The following LMNTD1 variants were observed in gnomAD, a reference collection of about 807,000 sequenced individuals.
The protein encoded by LMNTD1 is lamin tail domain-containing protein 1.
LMNTD1 carries 35 observed loss-of-function variants against 50.9 expected under a neutral mutation model. The ratio of observed to expected loss-of-function variants is 0.69; its 90% confidence interval spans 0.53 to 0.91. LMNTD1 has a LOEUF of 0.91. LMNTD1 is among the 40% of genes least tolerant of loss of function. LMNTD1 has a pLI of 0.00. For missense variants in LMNTD1, 470 were observed against 475.5 expected (o/e 0.99, Z 0.11); for synonymous variants, 153 against 161.9 (o/e 0.94, Z 0.42).
chr12:25,478,127 T>A (rs1242283115), intron 9 of LMNTD1, among the ~76,000 whole-genome samples: 1 of 152,104 alleles, frequency 6.6e-6, no homozygotes, highest in African/African-American at 2.4e-5. Context: ...GACTCAAATG[T>A]TAATCTCCTT....
intron 1 of LMNTD1, among the ~76,000 whole-genome samples, chr12:25,629,250 G>A (rs964819200): frequency 2.6e-5 from 4 of 152,072 alleles, no homozygotes; most frequent in South Asian, 2.1e-4. Flanking sequence ...GTAGAGTTAC[G>A]GTTTCTCACA....
chr12:25,647,143 A>G (rs1378001805), intron 1 of LMNTD1, among the ~76,000 whole-genome samples: 1 of 152,250 alleles, frequency 6.6e-6, no homozygotes, highest in Non-Finnish European at 1.5e-5. Flanking sequence ...TCATTTGACT[A>G]TTTAATAATG....
intron 9 of LMNTD1, among the ~76,000 whole-genome samples, chr12:25,501,453 G>A (rs1460013759): frequency 6.6e-6 from 1 of 152,188 alleles, no homozygotes; most frequent in African/African-American, 2.4e-5. Context: ...TTCTAAATGT[G>A]TGGTGTTTCT....
intron 1 of LMNTD1, among the ~76,000 whole-genome samples, chr12:25,573,105 A>T (rs1054993072): frequency 6.6e-6 from 1 of 151,208 alleles, no homozygotes; most frequent in Non-Finnish European, 1.5e-5. Flanking sequence ...CAACTCCCCG[A>T]CCTCCTGTCT....
At chr12:25,538,272 C>G (rs1942765399) in intron 4 of LMNTD1, among the ~76,000 whole-genome samples, 1 of 137,236 alleles carries the variant, frequency 7.3e-6, no homozygotes, top group African/African-American at 2.7e-5. Context: ...ACATAATCGT[C>G]AGATTCACCA....
chr12:25,541,734 A>G (rs1294755190), intron 4 of LMNTD1, among the ~76,000 whole-genome samples: 1 of 137,736 alleles, frequency 7.3e-6, no homozygotes, highest in African/African-American at 2.7e-5. Flanking sequence ...ATCTAATTAA[A>G]CTAAAGAGCT....
At chr12:25,564,608 C>T (rs151042618) in intron 1 of LMNTD1, among the ~76,000 whole-genome samples, 25 of 152,212 alleles carry the variant, frequency 1.6e-4, no homozygotes, top group African/African-American at 5.3e-4. Flanking sequence ...GACATTATTT[C>T]AATTTTTTTA....
intron 4 of LMNTD1, among the ~76,000 whole-genome samples, chr12:25,530,590 C>A (rs984157234): frequency 1.3e-5 from 2 of 152,190 alleles, no homozygotes; most frequent in Non-Finnish European, 2.9e-5. Flanking sequence ...GGCTTCCTAG[C>A]TGTTCCGTTG....
intron 8 of LMNTD1, among the ~76,000 whole-genome samples, chr12:25,517,657 T>A (rs1286051257): frequency 7.1e-6 from 1 of 140,666 alleles, no homozygotes; most frequent in Non-Finnish European, 1.5e-5. Context: ...TGTATACATA[T>A]GTAACTAACC....
rs143233739 is a variant in LMNTD1 at position 25,619,217 on chromosome 12, A to ACTCTCTCTCT, written c.58+29267_58+29276dup. Among the ~76,000 whole-genome samples, 120 of 120,072 alleles carry ACTCTCTCTCT rather than the reference A, an allele frequency of 1.0e-3. 1 individual carries two copies. Among genetic ancestry groups the ACTCTCTCTCT allele is most frequent in the Admixed American group, 5.6e-3 (62 of 11,148 alleles). 78.8% of individuals were successfully genotyped at this position (120,072 alleles called of 152,430 possible). A position where few individuals can be genotyped will look rare whatever the true frequency, so the allele number is the denominator to read the frequency against. On this transcript the variant is annotated intron_variant, in intron 1 of 7. Coordinates refer to the LMNTD1 transcript ENST00000445693. ...CTGGGTAAGGGATACATGCTTTTCAACTCTCTCTCTCTCTCTCTCTCTCTC... is the reference window on the plus strand; with the variant it reads ...CTGGGTAAGGGATACATGCTTTTCAACTCTCTCTCTCTCTCTCTCTCTCTCTCTCTCTCTC...
At chr12:25,609,327 A>G (rs1946191396) in intron 1 of LMNTD1, among the ~76,000 whole-genome samples, 1 of 152,320 alleles carries the variant, frequency 6.6e-6, no homozygotes, top group South Asian at 2.1e-4. Flanking sequence ...ACTTCTGTCA[A>G]CTTGTCAAAG....
intron 1 of LMNTD1, among the ~76,000 whole-genome samples, chr12:25,611,964 T>C (rs1029885873): frequency 6.6e-6 from 1 of 152,210 alleles, no homozygotes; most frequent in Non-Finnish European, 1.5e-5. Context: ...AAGAGTAAAC[T>C]TCTATCCGTT....
chr12:25,493,402 A>C lies in LMNTD1; in HGVS notation c.*22+10336T>G, dbSNP rs1014292257. 3.9e-5 allele frequency among the ~76,000 whole-genome samples: 6 copies of C among 152,350 alleles called. No individual in the cohort carries two copies. In the South Asian group the frequency reaches 1.2e-3, roughly 32 times the overall value. The stretch of plus-strand genomic sequence containing the variant: ...AGAGGGAAAGATGTTGAGGGGTCCT[A>C]CAAAGGTGGTGCGAGGAATTAAGAG... On this transcript the variant is annotated intron_variant, in intron 9 of 9. Coordinates refer to ENST00000458174, the MANE Select transcript of LMNTD1 (RefSeq NM_001145728.2).
At position 25,568,416 on chromosome 12, in the gene LMNTD1, A is replaced by C. The variant is rs572440284; in HGVS notation, c.59-21862T>G. ...AGTTTGGAAAATTCACAGCCTAGCC[A>C]TGTGGCAGAAAAGAAAAGCCCATTT... On this transcript the variant is annotated intron_variant, in intron 1 of 7. Coordinates refer to the LMNTD1 transcript ENST00000445693. 9.8e-5 allele frequency among the ~76,000 whole-genome samples: 15 copies of C among 152,378 alleles called. No homozygotes were observed. The South Asian group carries it at 3.1e-3, about 32-fold the overall frequency.
intron 9 of LMNTD1, among the ~76,000 whole-genome samples, chr12:25,499,135 G>A (rs568691523): frequency 6.6e-6 from 1 of 152,148 alleles, no homozygotes; most frequent in Non-Finnish European, 1.5e-5. Flanking sequence ...GCAGTGGCAT[G>A]ATCCTAGCTC....
At position 25,520,052 on chromosome 12, in the gene LMNTD1, G is replaced by A; in HGVS notation, c.822C>T (p.Ile274=). 3 of 1,611,432 alleles carry A rather than the reference G, an allele frequency of 1.9e-6. No individual in the cohort carries two copies. Among genetic ancestry groups the A allele is most frequent in the African/African-American group, 2.7e-5 (2 of 74,606 alleles). ...ATTTTTCCCACGCTTGCTTCCAGTGGATAGGGGTGTACCACGCAATGGCCT... is the reference window on the plus strand; with the variant it reads ...ATTTTTCCCACGCTTGCTTCCAGTGAATAGGGGTGTACCACGCAATGGCCT... ...NGQAIAWYTP[I]HWKQAWEKLD... is the part of the protein sequence containing the mutation. Residue 274 remains isoleucine, a synonymous_variant, in exon 7 of 10, where the codon ATC becomes ATT. Transcript: ENST00000458174.
Position 25,476,461 on chromosome 12 carries a change from C to T in LMNTD1, c.*23-1G>A, listed in dbSNP as rs1191521890. 1 of 152,172 alleles carries T rather than the reference C, an allele frequency of 6.6e-6. No homozygotes were observed. Among genetic ancestry groups the T allele is most frequent in the Non-Finnish European group, 1.5e-5 (1 of 68,036 alleles). 9.4% of individuals were successfully genotyped at this position (152,172 alleles called of 1,614,324 possible). On this transcript the variant is annotated splice_acceptor_variant, in intron 9 of 9. Coordinates refer to ENST00000458174, the MANE Select transcript of LMNTD1 (RefSeq NM_001145728.2). LOFTEE classifies it low-confidence loss of function (3UTR_SPLICE). Reference sequence around the variant, plus strand: ...AGCTGGTTGAGGGTGGACTAGATTACTAGTAATTATACAAAATGAGAGTGA... The same window carrying T: ...AGCTGGTTGAGGGTGGACTAGATTATTAGTAATTATACAAAATGAGAGTGA...
intron 1 of LMNTD1, among the ~76,000 whole-genome samples, chr12:25,574,813 GCAAAAAGAAGGAA>G (rs1944938022): frequency 6.6e-6 from 1 of 152,066 alleles, no homozygotes; most frequent in Admixed American, 6.6e-5. Flanking sequence ...GTAAGTATTT[GCAAAAAGAAGGAA>G]CAAAATCACC....
At chr12:25,647,304 CA>C (rs1310776967) in intron 1 of LMNTD1, among the ~76,000 whole-genome samples, 1 of 152,022 alleles carries the variant, frequency 6.6e-6, no homozygotes, top group Non-Finnish European at 1.5e-5. Flanking sequence ...GTCAACATGG[CA>C]AAACCTATCT....
Sources: allele counts gnomAD v4.1 joint callset (sites outside exome capture counted in the v4.1 genomes callset), GRCh38; gene constraint gnomAD v4.1.1; transcripts MANE v1.5; gene names NCBI Gene and HGNC (gene_info 2026-07-23, HGNC 2026-07-21).